The following OPCML variants were observed in gnomAD, a reference collection of about 807,000 sequenced individuals.
OPCML encodes opioid binding protein/cell adhesion molecule like.
In OPCML, 13 loss-of-function variants were observed where a neutral mutation model predicts 37.8. The ratio of observed to expected loss-of-function variants is 0.34; its 90% CI spans 0.22 to 0.55. The LOEUF is 0.55. Among genes scored for constraint, OPCML ranks in the 20% least tolerant of loss-of-function variants. The probability of loss-of-function intolerance (pLI) is 0.91; values close to 1 mark genes in which losing one functional copy is unlikely to be tolerated. For synonymous variants in OPCML, 176 were observed against 168.8 expected (o/e 1.04, Z -0.33); for missense variants, 341 against 435.6 (o/e 0.78, Z 1.93).
chr11:133,408,394 A>G (rs1945568145), intron 1 of OPCML, among the ~76,000 whole-genome samples: 1 of 152,238 alleles, frequency 6.6e-6, no homozygotes, highest in Non-Finnish European at 1.5e-5. Flanking sequence ...TCTAAAACAA[A>G]CTATTAGAAA....
chr11:133,423,295 A>G, intron 1 of OPCML: 2 of 985,392 alleles, frequency 2.0e-6, no homozygotes, highest in South Asian at 9.4e-5. Context: ...AGGCAGAAAG[A>G]ATGAAGTTCT....
intron 1 of OPCML, among the ~76,000 whole-genome samples, chr11:133,187,020 C>T (rs1160559002): frequency 6.6e-6 from 1 of 152,072 alleles, no homozygotes; most frequent in Non-Finnish European, 1.5e-5. Flanking sequence ...TCAGATGATC[C>T]ACAGCCTGTT....
chr11:133,301,205 G>C (rs1252868818), intron 1 of OPCML: 1 of 152,094 alleles, frequency 6.6e-6, no homozygotes, highest in East Asian at 1.9e-4. Context: ...CCCTAGATAT[G>C]CATGGTATTT....
chr11:133,115,347 C>T (rs890879535), intron 1 of OPCML, among the ~76,000 whole-genome samples: 2 of 152,220 alleles, frequency 1.3e-5, no homozygotes, highest in African/African-American at 4.8e-5. Context: ...GCCCACTGCT[C>T]ATGCTTGTGC....
intron 1 of OPCML, among the ~76,000 whole-genome samples, chr11:133,035,878 C>T (rs1246662249): frequency 6.6e-6 from 1 of 151,784 alleles, no homozygotes; most frequent in Non-Finnish European, 1.5e-5. Flanking sequence ...CGCAGCGGCA[C>T]AGACAACACC....
chr11:133,056,407 A>T (rs1430376747), intron 1 of OPCML, among the ~76,000 whole-genome samples: 1 of 152,224 alleles, frequency 6.6e-6, no homozygotes, highest in Non-Finnish European at 1.5e-5. Context: ...GGTAAGCCAG[A>T]TCAATGCTAA....
chr11:132,978,075 G>A (rs1946503052), intron 1 of OPCML, among the ~76,000 whole-genome samples: 1 of 152,184 alleles, frequency 6.6e-6, no homozygotes, highest in Admixed American at 6.5e-5. Flanking sequence ...GAAACTGGTG[G>A]AGGCAGAAAT....
chr11:132,524,016 A>T (rs2096301344), intron 4 of OPCML, among the ~76,000 whole-genome samples: 1 of 152,202 alleles, frequency 6.6e-6, no homozygotes, highest in Non-Finnish European at 1.5e-5. Context: ...TTTCCCAAAC[A>T]TCTAGCCTTT....
At position 132,490,619 on chromosome 11, in the gene OPCML, C is replaced by T. The variant is rs190215309; in HGVS notation, c.505+38442G>A. Among the ~76,000 whole-genome samples, 41 of 152,076 alleles carry T rather than the reference C, an allele frequency of 2.7e-4. No homozygotes were observed. In the East Asian group the frequency reaches 7.4e-3, roughly 28 times the overall value. ...GGATCGTGAGGTCAGGAGATCGAGA[C>T]CAACCTGGCTAACACAGTGAAACCC... On this transcript the variant is annotated intron_variant, in intron 4 of 7. Transcript: ENST00000524381.
At chr11:132,502,229 C>T (rs2096247143) in intron 4 of OPCML, among the ~76,000 whole-genome samples, 1 of 152,234 alleles carries the variant, frequency 6.6e-6, no homozygotes, top group African/African-American at 2.4e-5. Context: ...ATCACCCTCA[C>T]TGTGAGTTCT....
At chr11:133,361,252 C>A (rs145869636) in intron 1 of OPCML, 2 of 152,308 alleles carry the variant, frequency 1.3e-5, no homozygotes, top group Admixed American at 6.5e-5. Flanking sequence ...ATTCAGCAGA[C>A]GAGCCCTCTG....
chr11:132,641,618 T>C (rs1291008009), intron 3 of OPCML, among the ~76,000 whole-genome samples: 1 of 152,196 alleles, frequency 6.6e-6, no homozygotes, highest in Non-Finnish European at 1.5e-5. Flanking sequence ...CATTCTTCCC[T>C]TCCCACCTAC....
At chr11:132,603,474 C>T (rs1938065376) in intron 3 of OPCML, among the ~76,000 whole-genome samples, 1 of 152,198 alleles carries the variant, frequency 6.6e-6, no homozygotes, top group African/African-American at 2.4e-5. Context: ...TGTATCTCTA[C>T]CATCACTCCT....
At chr11:132,435,989 T>C in intron 7 of OPCML, 97 bp downstream of exon 7, 1 of 1,295,700 alleles carries the variant, frequency 7.7e-7, no homozygotes, top group Non-Finnish European at 1.1e-6. Flanking sequence ...GTAGGATGGA[T>C]GGACACAGGC....
chr11:132,702,875 A>G (rs1939515), intron 2 of OPCML, among the ~76,000 whole-genome samples: 80,066 of 151,618 alleles, frequency 0.53, 21,405 homozygotes, highest in African/African-American at 0.59. Flanking sequence ...ATTGTCTTCC[A>G]CAGAAGCAGG....
At chr11:132,929,157 A>C (rs567607082) in intron 2 of OPCML, among the ~76,000 whole-genome samples, 12 of 152,048 alleles carry the variant, frequency 7.9e-5, no homozygotes, top group Non-Finnish European at 1.8e-4. Flanking sequence ...AAATCAACAA[A>C]ATAATGAGTT....
At chr11:133,394,920 TCTA>T (rs1945253885) in intron 1 of OPCML, among the ~76,000 whole-genome samples, 1 of 152,232 alleles carries the variant, frequency 6.6e-6, no homozygotes, top group Admixed American at 6.5e-5. Context: ...ACATGGTAGC[TCTA>T]CTTTTAGTTT....
At chr11:132,683,426 C>A (rs1055350528) in intron 2 of OPCML, among the ~76,000 whole-genome samples, 3 of 152,056 alleles carry the variant, frequency 2.0e-5, no homozygotes, top group African/African-American at 7.2e-5. Flanking sequence ...TAAGGAAAAA[C>A]CTGGTTGATA....
chr11:132,591,340 G>A (rs2096484162), intron 3 of OPCML, among the ~76,000 whole-genome samples: 1 of 152,208 alleles, frequency 6.6e-6, no homozygotes, highest in Admixed American at 6.5e-5. Flanking sequence ...TCTCTCTCAA[G>A]AAATGTGTTT....
Sources: gnomAD v4.1 joint callset for allele counts (sites outside exome capture counted in the v4.1 genomes callset) on GRCh38, gnomAD v4.1.1 for gene constraint, MANE v1.5 for transcripts, NCBI Gene and HGNC (gene_info 2026-07-23, HGNC 2026-07-21) for gene names.